TNIK: variants seen among roughly 807,000 people sequenced by gnomAD.
TNIK encodes TRAF2 and NCK-interacting protein kinase.
Under a neutral mutation model 191.3 loss-of-function variants are expected in TNIK, and 49 were observed. The observed-to-expected ratio is 0.26, with a 90% confidence interval of 0.20 to 0.32. The LOEUF is 0.32. Among genes scored for constraint, TNIK ranks in the 10% least tolerant of loss-of-function variants. The probability of loss-of-function intolerance (pLI) is 1.00; values close to 1 mark genes in which losing one functional copy is unlikely to be tolerated. For missense variants in TNIK, 1,155 were observed against 1,702.3 expected (o/e 0.68, Z 5.66); for synonymous variants, 594 against 600.9 (o/e 0.99, Z 0.17).
intron 3 of TNIK, among the ~76,000 whole-genome samples, chr3:171,224,477 A>G (rs117821305): frequency 6.6e-6 from 1 of 151,932 alleles, no homozygotes; most frequent in African/African-American, 2.4e-5. Context: ...CAAAAAAAAA[A>G]CCCCACAAAA....
In TNIK at chr3:171,165,722, C is replaced by T. The variant is rs765966011; in HGVS notation, c.949+1373G>A. ...GCAAGAACAAGCACATCACCATGTG[C>T]CTCCCCTCCCATCCTCAGTCTCTGG... On this transcript the variant is annotated intron_variant, in intron 10 of 32. Coordinates refer to ENST00000436636, the MANE Select transcript of TNIK (RefSeq NM_015028.4). Among the ~76,000 whole-genome samples the T allele has an allele frequency of 4.6e-5, 7 of 152,288 alleles. No homozygotes were observed. In the South Asian group the frequency reaches 1.0e-3, roughly 23 times the overall value.
rs73046897 is a variant in TNIK at position 171,382,806 on chromosome 3, T to C, written c.58-13121A>G. On this transcript the variant is annotated intron_variant, in intron 1 of 32. Coordinates refer to ENST00000436636, the MANE Select transcript of TNIK (RefSeq NM_015028.4). The stretch of plus-strand genomic sequence containing the variant: ...ATGTGGCATGGTCGAGAAATAAACT[T>C]TAGTTATATAAAGCCTCTAAGAGTG... Among the ~76,000 whole-genome samples the C allele has an allele frequency of 9.6e-3, 1,462 of 152,268 alleles. 23 individuals are homozygous for C. Among genetic ancestry groups the C allele is most frequent in the African/African-American group, 0.033 (1,389 of 41,540 alleles).
Position 171,167,147 on chromosome 3 carries a change from G to A in TNIK, c.897C>T (p.Arg299=). Residue 299 remains arginine (R), a synonymous_variant, in exon 10 of 33, where the codon CGC becomes CGT. Coordinates refer to ENST00000436636, the MANE Select transcript of TNIK (RefSeq NM_015028.4). ...TATCAATATGGTCCTTGAGTTGAAT[G>A]CGGACCTGTCGCTCATTAGGTTGGT... ...IRDQPNERQV[R]IQLKDHIDRT... is the part of the protein sequence containing the mutation. The A allele has an allele frequency of 1.2e-6, 2 of 1,613,890 alleles. No individual in the cohort carries two copies. The highest frequency in any genetic ancestry group is 1.7e-6 in the Non-Finnish European group (2 of 1,179,842).
intron 2 of TNIK, among the ~76,000 whole-genome samples, chr3:171,252,441 A>C (rs1163181717): frequency 6.6e-6 from 1 of 152,092 alleles, no homozygotes; most frequent in Non-Finnish European, 1.5e-5. Flanking sequence ...CACCCCAAAA[A>C]CTCATATCGT....
intron 1 of TNIK, among the ~76,000 whole-genome samples, chr3:171,459,086 C>T (rs1729099501): frequency 6.6e-6 from 1 of 151,818 alleles, no homozygotes; most frequent in South Asian, 2.1e-4. Flanking sequence ...AAAATGGATT[C>T]TATATCAGTG....
chr3:171,377,824 T>A (rs1319065710), intron 1 of TNIK, among the ~76,000 whole-genome samples: 1 of 152,248 alleles, frequency 6.6e-6, no homozygotes, highest in Non-Finnish European at 1.5e-5. Context: ...GCTACAGACA[T>A]ACTGCTCTTG....
At chr3:171,415,239 C>T (rs972998747) in intron 1 of TNIK, among the ~76,000 whole-genome samples, 2 of 152,094 alleles carry the variant, frequency 1.3e-5, no homozygotes, top group African/African-American at 4.8e-5. Flanking sequence ...CAACCCCAGA[C>T]GCACTCTGCA....
At chr3:171,105,304 T>C (rs181325737) in intron 21 of TNIK, among the ~76,000 whole-genome samples, 1 of 152,188 alleles carries the variant, frequency 6.6e-6, no homozygotes, top group East Asian at 1.9e-4. Context: ...TTGTAGGGAG[T>C]TCTCTGTGCA....
chr3:171,091,572 A>G (rs1410865056), intron 23 of TNIK, among the ~76,000 whole-genome samples: 1 of 151,966 alleles, frequency 6.6e-6, no homozygotes, highest in East Asian at 1.9e-4. Flanking sequence ...GTGAAACCCC[A>G]TCTCTACTAA....
At chr3:171,259,268 C>G (rs751798678) in intron 2 of TNIK, among the ~76,000 whole-genome samples, 1 of 152,180 alleles carries the variant, frequency 6.6e-6, no homozygotes, top group Non-Finnish European at 1.5e-5. Context: ...TTAAACATAA[C>G]CTTTAACCAG....
chr3:171,445,907 G>C (rs1220981629), intron 1 of TNIK, among the ~76,000 whole-genome samples: 1 of 152,202 alleles, frequency 6.6e-6, no homozygotes, highest in Non-Finnish European at 1.5e-5. Context: ...ATGAAATGTA[G>C]AGAGGGACCT....
chr3:171,132,669 C>T (rs1217338877), intron 15 of TNIK, among the ~76,000 whole-genome samples: 1 of 152,162 alleles, frequency 6.6e-6, no homozygotes, highest in African/African-American at 2.4e-5. Flanking sequence ...TTGTAGGTTA[C>T]AGTGTCTCAC....
chr3:171,375,055 G>T (rs1220465714), intron 1 of TNIK, among the ~76,000 whole-genome samples: 1 of 152,096 alleles, frequency 6.6e-6, no homozygotes, highest in Non-Finnish European at 1.5e-5. Flanking sequence ...CCAGCCCTTG[G>T]TTTACCACCT....
At chr3:171,101,711 G>T in intron 21 of TNIK, 78 bp from the exon 22 acceptor site, 1 of 1,442,334 alleles carries the variant, frequency 6.9e-7, no homozygotes, top group Non-Finnish European at 9.4e-7. Flanking sequence ...CAGTGCTCCA[G>T]CTTAAGCAAC....
chr3:171,193,635 C>A (rs910645230), intron 5 of TNIK, among the ~76,000 whole-genome samples: 1 of 152,128 alleles, frequency 6.6e-6, no homozygotes, highest in Admixed American at 6.5e-5. Context: ...AACTTCTATC[C>A]ATTTCATCCA....
At chr3:171,429,774 A>G (rs912470298) in intron 1 of TNIK, among the ~76,000 whole-genome samples, 2 of 151,998 alleles carry the variant, frequency 1.3e-5, no homozygotes, top group African/African-American at 4.8e-5. Context: ...TCTCTACTCT[A>G]TGTTAATTGC....
chr3:171,123,087 A>T (rs1727974285), intron 18 of TNIK, among the ~76,000 whole-genome samples: 1 of 152,326 alleles, frequency 6.6e-6, no homozygotes. Context: ...CTTCCTCGTA[A>T]GAGCTAGTTC....
At chr3:171,177,758 C>T (rs1026781366) in intron 7 of TNIK, among the ~76,000 whole-genome samples, 2 of 152,132 alleles carry the variant, frequency 1.3e-5, no homozygotes, top group Admixed American at 6.5e-5. Context: ...TAAGGTATGA[C>T]GTAGGGATCC....
At chr3:171,269,258 CTTT>C (rs1560348438) in intron 2 of TNIK, among the ~76,000 whole-genome samples, 1 of 152,122 alleles carries the variant, frequency 6.6e-6, no homozygotes, top group Non-Finnish European at 1.5e-5. Flanking sequence ...AACACTCTCT[CTTT>C]CATTTCATCT....
Sources: allele counts gnomAD v4.1 joint callset (sites outside exome capture counted in the v4.1 genomes callset), GRCh38; gene constraint gnomAD v4.1.1; transcripts MANE v1.5; gene names NCBI Gene and HGNC (gene_info 2026-07-23, HGNC 2026-07-21).